The following KHDRBS2 variants were observed in gnomAD, a reference collection of about 807,000 sequenced individuals.
KHDRBS2 encodes KH RNA binding domain containing, signal transduction associated 2, also known as KH domain-containing, RNA-binding, signal transduction-associated protein 2.
KHDRBS2 carries 26 observed loss-of-function variants against 44.3 expected under a neutral mutation model. That is an observed-to-expected ratio of 0.59 (90% CI 0.43 to 0.81). The LOEUF (loss-of-function observed/expected upper bound fraction) is 0.81. KHDRBS2 is among the 40% of genes least tolerant of loss of function. The pLI, the probability that KHDRBS2 is intolerant of heterozygous loss-of-function variation, is 0.00. For missense variants in KHDRBS2, 476 were observed against 433.1 expected (o/e 1.10, Z -0.88); for synonymous variants, 194 against 151.1 (o/e 1.28, Z -2.08).
chr6:61,625,131 A>G, the KHDRBS2 span, among the ~76,000 whole-genome samples: 1 of 151,790 alleles, frequency 6.6e-6, no homozygotes, highest in African/African-American at 2.4e-5. Context: ...TTCAATTTTA[A>G]TGGTTAATTG....
chr6:61,688,225 A>C (rs1214330385), intron 8 of KHDRBS2, among the ~76,000 whole-genome samples: 1 of 151,924 alleles, frequency 6.6e-6, no homozygotes, highest in Non-Finnish European at 1.5e-5. Flanking sequence ...TAACTCATTT[A>C]AATAAAAAGG....
chr6:61,753,402 C>T (rs1261975694), intron 6 of KHDRBS2, among the ~76,000 whole-genome samples: 3 of 152,080 alleles, frequency 2.0e-5, no homozygotes, highest in African/African-American at 7.2e-5. Context: ...CCCACCCCCC[C>T]AAACCATATG....
At chr6:61,656,356 T>C in the KHDRBS2 span, among the ~76,000 whole-genome samples, 1 of 151,914 alleles carries the variant, frequency 6.6e-6, no homozygotes, top group Non-Finnish European at 1.5e-5. Flanking sequence ...AAAAATCCTA[T>C]GAAGTTCTCA....
chr6:61,546,509 C>A, the KHDRBS2 span, among the ~76,000 whole-genome samples: 2 of 152,054 alleles, frequency 1.3e-5, no homozygotes, highest in Non-Finnish European at 2.9e-5. Flanking sequence ...AGTTAAGTTT[C>A]TATGGCATAT....
the KHDRBS2 span, among the ~76,000 whole-genome samples, chr6:61,612,002 T>C: frequency 2.5e-3 from 375 of 152,346 alleles, 1 homozygote; most frequent in South Asian, 3.3e-3. Flanking sequence ...AATCAGGTCA[T>C]ATCAAGTATG....
chr6:61,768,081 C>A (rs1416191266), intron 6 of KHDRBS2, among the ~76,000 whole-genome samples: 1 of 152,050 alleles, frequency 6.6e-6, no homozygotes, highest in East Asian at 1.9e-4. Context: ...ATTTTTCCTT[C>A]TTGTTTGAAG....
chr6:61,631,675 G>C, the KHDRBS2 span, among the ~76,000 whole-genome samples: 3,725 of 152,230 alleles, frequency 0.024, 71 homozygotes, highest in Middle Eastern at 0.088. Context: ...CTAAAGCTTT[G>C]TGTCCATAGA....
At chr6:61,720,398 T>C (rs1479382347) in intron 7 of KHDRBS2, among the ~76,000 whole-genome samples, 1 of 152,080 alleles carries the variant, frequency 6.6e-6, no homozygotes, top group African/African-American at 2.4e-5. Context: ...CCACCAACAG[T>C]GTAAAAGTGT....
At chr6:61,703,159 A>G (rs947551603) in intron 7 of KHDRBS2, among the ~76,000 whole-genome samples, 1 of 151,892 alleles carries the variant, frequency 6.6e-6, no homozygotes, top group African/African-American at 2.4e-5. Flanking sequence ...CCATTTGTCT[A>G]CATTTATTCC....
At chr6:61,578,187 G>A in the KHDRBS2 span, among the ~76,000 whole-genome samples, 13 of 152,162 alleles carry the variant, frequency 8.5e-5, no homozygotes, top group South Asian at 2.5e-3. Context: ...GGGAGATCAG[G>A]TCACTTTAAA....
At chr6:62,054,979 T>A (rs371272389) in intron 2 of KHDRBS2, among the ~76,000 whole-genome samples, 3 of 152,024 alleles carry the variant, frequency 2.0e-5, no homozygotes, top group African/African-American at 7.2e-5. Context: ...AATTCCTACA[T>A]CATAACAGAA....
At chr6:62,171,030 C>A (rs1819891544) in intron 2 of KHDRBS2, among the ~76,000 whole-genome samples, 4 of 151,112 alleles carry the variant, frequency 2.6e-5, no homozygotes, top group African/African-American at 7.3e-5. Flanking sequence ...GAGAAAGAAC[C>A]AGTGTAAGAA....
At chr6:61,954,672 A>G (rs529997368) in intron 4 of KHDRBS2, among the ~76,000 whole-genome samples, 137 of 131,496 alleles carry the variant, frequency 1.0e-3, no homozygotes, top group Middle Eastern at 9.4e-3. Context: ...ATGTGTATAT[A>G]CACATACATA....
At chr6:61,641,468 C>A in the KHDRBS2 span, among the ~76,000 whole-genome samples, 1 of 152,122 alleles carries the variant, frequency 6.6e-6, no homozygotes, top group Non-Finnish European at 1.5e-5. Flanking sequence ...GGTCTCCATT[C>A]TTTCTTCCTA....
the KHDRBS2 span, among the ~76,000 whole-genome samples, chr6:61,555,653 C>G: frequency 2.0e-5 from 3 of 152,216 alleles, no homozygotes; most frequent in Admixed American, 2.0e-4. Flanking sequence ...TCCTTCAACT[C>G]TCGAAGTTGC....
the KHDRBS2 span, among the ~76,000 whole-genome samples, chr6:61,664,238 C>T: frequency 2.0e-5 from 3 of 151,610 alleles, no homozygotes; most frequent in Non-Finnish European, 2.9e-5. Flanking sequence ...TATAAAATTA[C>T]TGAAAATATA....
intron 2 of KHDRBS2, among the ~76,000 whole-genome samples, chr6:62,155,851 G>T (rs1816250183): frequency 6.6e-6 from 1 of 152,132 alleles, no homozygotes; most frequent in Non-Finnish European, 1.5e-5. Context: ...AAAAGTGAGT[G>T]TTTCTGCATA....
intron 2 of KHDRBS2, among the ~76,000 whole-genome samples, chr6:62,147,566 T>C (rs1814219636): frequency 6.6e-6 from 1 of 151,840 alleles, no homozygotes; most frequent in African/African-American, 2.4e-5. Context: ...AAAGGTCCTT[T>C]AGAGTAATTA....
At chr6:62,165,149 C>G (rs976047125) in intron 2 of KHDRBS2, among the ~76,000 whole-genome samples, 36 of 151,622 alleles carry the variant, frequency 2.4e-4, no homozygotes, top group African/African-American at 8.5e-4. Context: ...TATTCATTTA[C>G]TTATGGCTTC....
Sources: allele counts gnomAD v4.1 joint callset (sites outside exome capture counted in the v4.1 genomes callset), GRCh38; gene constraint gnomAD v4.1.1; transcripts MANE v1.5; gene names NCBI Gene and HGNC (gene_info 2026-07-23, HGNC 2026-07-21).